The following PCCA variants were observed in gnomAD, a reference collection of about 807,000 sequenced individuals.
PCCA encodes propionyl-CoA carboxylase subunit alpha, also known as propionyl-CoA carboxylase alpha chain, mitochondrial.
A neutral mutation model predicts 101.3 loss-of-function variants in PCCA; 74 were observed. That is an observed-to-expected ratio of 0.73 (90% CI 0.61 to 0.89). The LOEUF is 0.89. PCCA is among the 40% of genes least tolerant of loss of function. The pLI, the probability that PCCA is intolerant of heterozygous loss-of-function variation, is 0.00. For missense variants in PCCA, 891 were observed against 907.0 expected (o/e 0.98, Z 0.23); for synonymous variants, 294 against 313.6 (o/e 0.94, Z 0.66).
intron 6 of PCCA, among the ~76,000 whole-genome samples, chr13:100,201,311 G>A (rs1161346292): frequency 6.6e-6 from 1 of 152,078 alleles, no homozygotes; most frequent in African/African-American, 2.4e-5. Context: ...TAGTACAGGA[G>A]TGGGCAAACC....
chr13:100,269,787 G>C (rs956461261), intron 11 of PCCA, among the ~76,000 whole-genome samples: 3 of 152,030 alleles, frequency 2.0e-5, no homozygotes, highest in Non-Finnish European at 2.9e-5. Flanking sequence ...TTTTAATCCC[G>C]GAGTAATGGT....
chr13:100,128,039 A>T (rs2050138897), intron 4 of PCCA, among the ~76,000 whole-genome samples: 1 of 152,198 alleles, frequency 6.6e-6, no homozygotes. Context: ...ATTCCAAATA[A>T]TGCCTCTCAC....
chr13:100,136,259 C>T (rs34099689), intron 4 of PCCA, among the ~76,000 whole-genome samples: 2 of 142,292 alleles, frequency 1.4e-5, no homozygotes, highest in Non-Finnish European at 3.0e-5. Flanking sequence ...GATCTCGGCT[C>T]ACTGCAACCT....
intron 7 of PCCA, among the ~76,000 whole-genome samples, chr13:100,220,075 G>C (rs2059727924): frequency 6.6e-6 from 1 of 152,066 alleles, no homozygotes; most frequent in Non-Finnish European, 1.5e-5. Flanking sequence ...AGGAGCTGGG[G>C]TCACAACTAC....
rs187387153 is a variant in PCCA, at chr13:100,489,232, C to T, written c.1900-26195C>T. Among the ~76,000 whole-genome samples the T allele has an allele frequency of 3.7e-4, 56 of 152,128 alleles. No individual in the cohort carries two copies. The East Asian group carries it at 7.6e-3, about 21-fold the overall frequency. ...CTGAGGCAGGAGAATGGCGTGAACC[C>T]GGGAGGCGGAGCTTGCAGTGAGCCG... On this transcript the variant is annotated intron_variant, in intron 21 of 23. Coordinates refer to ENST00000376285, the MANE Select transcript of PCCA (RefSeq NM_000282.4).
intron 18 of PCCA, among the ~76,000 whole-genome samples, chr13:100,364,009 T>C (rs1266051126): frequency 3.3e-5 from 5 of 152,218 alleles, no homozygotes; most frequent in African/African-American, 1.2e-4. Context: ...GATGATAAAG[T>C]GGACAGACCT....
intron 4 of PCCA, among the ~76,000 whole-genome samples, chr13:100,123,519 A>G (rs2049640198): frequency 6.6e-6 from 1 of 152,228 alleles, no homozygotes; most frequent in Non-Finnish European, 1.5e-5. Context: ...TGTGAATTTA[A>G]AATGAAATTT....
At chr13:100,177,864 C>T (rs1283549558) in intron 6 of PCCA, among the ~76,000 whole-genome samples, 1 of 151,884 alleles carries the variant, frequency 6.6e-6, no homozygotes, top group Non-Finnish European at 1.5e-5. Context: ...ACTAAGTAGA[C>T]TATATAAAGT....
intron 20 of PCCA, among the ~76,000 whole-genome samples, chr13:100,440,983 A>T (rs1318693848): frequency 4.6e-5 from 7 of 152,170 alleles, no homozygotes; most frequent in Non-Finnish European, 7.4e-5. Context: ...GCTGGGATGT[A>T]TTTACAGCTA....
intron 23 of PCCA, among the ~76,000 whole-genome samples, chr13:100,528,015 C>A (rs574841605): frequency 6.6e-6 from 1 of 152,196 alleles, no homozygotes; most frequent in Non-Finnish European, 1.5e-5. Context: ...GTCTTTCTTT[C>A]AAATTAAGGG....
chr13:100,377,670 A>AT (rs1203996983), intron 19 of PCCA, among the ~76,000 whole-genome samples: 3 of 151,582 alleles, frequency 2.0e-5, no homozygotes, highest in Admixed American at 2.0e-4. Flanking sequence ...AATTTTTTAT[A>AT]TTTTTAGTAG....
intron 19 of PCCA, among the ~76,000 whole-genome samples, chr13:100,419,017 C>CTT (rs1276848269): frequency 6.8e-6 from 1 of 146,348 alleles, no homozygotes; most frequent in Non-Finnish European, 1.5e-5. Context: ...TTTTTTCTTT[C>CTT]TTTTTTTTTT....
intron 6 of PCCA, among the ~76,000 whole-genome samples, chr13:100,183,780 G>A (rs1339122951): frequency 6.6e-6 from 1 of 152,036 alleles, no homozygotes; most frequent in East Asian, 1.9e-4. Context: ...GAAGGCGAGG[G>A]GCCCTGGGTA....
At chr13:100,137,290 T>C (rs2051301157) in intron 4 of PCCA, among the ~76,000 whole-genome samples, 1 of 152,212 alleles carries the variant, frequency 6.6e-6, no homozygotes, top group African/African-American at 2.4e-5. Context: ...TTTTGTTGCA[T>C]GTTTCATGTG....
chr13:100,323,623 C>T (rs2068313519), intron 16 of PCCA, among the ~76,000 whole-genome samples: 1 of 152,180 alleles, frequency 6.6e-6, no homozygotes, highest in East Asian at 1.9e-4. Context: ...GCCAGGAGCT[C>T]CATTCTTAAC....
chr13:100,392,374 A>G (rs1390236975), intron 19 of PCCA, among the ~76,000 whole-genome samples: 1 of 152,242 alleles, frequency 6.6e-6, no homozygotes, highest in African/African-American at 2.4e-5. Flanking sequence ...AACTAGTTAC[A>G]TAATGGGATA....
intron 17 of PCCA, among the ~76,000 whole-genome samples, chr13:100,336,250 A>T (rs2070431876): frequency 6.6e-6 from 1 of 152,202 alleles, no homozygotes; most frequent in Admixed American, 6.5e-5. Flanking sequence ...CAGCAAGAGC[A>T]AAACTCTGTC....
intron 19 of PCCA, among the ~76,000 whole-genome samples, chr13:100,422,082 C>A (rs1470790712): frequency 2.4e-5 from 3 of 127,526 alleles, no homozygotes; most frequent in African/African-American, 1.0e-4. Flanking sequence ...TTCTTTCTTT[C>A]TTTCTTTCTT....
At chr13:100,161,331 T>G (rs2152395149) in intron 6 of PCCA, 1 of 152,324 alleles carries the variant, frequency 6.6e-6, no homozygotes, top group African/African-American at 2.4e-5. Context: ...GTTCTTTAAT[T>G]TAACAGTTCC....
Sources: allele counts gnomAD v4.1 joint callset (sites outside exome capture counted in the v4.1 genomes callset), GRCh38; gene constraint gnomAD v4.1.1; transcripts MANE v1.5; gene names NCBI Gene and HGNC (gene_info 2026-07-23, HGNC 2026-07-21).